Variants in MAP3K20 observed in about 807,000 individuals in gnomAD.
MAP3K20 encodes the protein mitogen-activated protein kinase kinase kinase 20.
In MAP3K20, 40 loss-of-function variants were observed where a neutral mutation model predicts 85.7. That is an observed-to-expected ratio of 0.47 (90% CI 0.36 to 0.61). The LOEUF (loss-of-function observed/expected upper bound fraction) is 0.61. Ranked by LOEUF, MAP3K20 falls within the 20% of genes least tolerant of loss-of-function variation. MAP3K20 has a pLI of 0.00. For missense variants in MAP3K20, 817 were observed against 961.7 expected, an observed-to-expected ratio of 0.85 and a Z score of 1.99; for synonymous variants, 325 against 327.7, an observed-to-expected ratio of 0.99 and a Z score of 0.09.
intron 2 of MAP3K20, among the ~76,000 whole-genome samples, chr2:173,138,479 G>A (rs1336922523): frequency 3.3e-5 from 5 of 152,102 alleles, no homozygotes; most frequent in Non-Finnish European, 7.4e-5. Flanking sequence ...CTTAACAGGT[G>A]GGTTTTCACA....
At chr2:173,204,968 T>C (rs1333228744) in intron 9 of MAP3K20, among the ~76,000 whole-genome samples, 3 of 151,752 alleles carry the variant, frequency 2.0e-5, no homozygotes, top group South Asian at 2.1e-4. Flanking sequence ...CCGGGCGTGG[T>C]GGCGGGCACC....
intron 5 of MAP3K20, 23 bp downstream of exon 5, chr2:173,187,646 T>A: frequency 6.3e-7 from 1 of 1,578,774 alleles, no homozygotes; most frequent in Non-Finnish European, 8.6e-7. Flanking sequence ...TGTTTTTATT[T>A]TACCTATTTT....
intron 2 of MAP3K20, among the ~76,000 whole-genome samples, chr2:173,147,650 G>T (rs1045563119): frequency 6.6e-6 from 1 of 151,930 alleles, no homozygotes; most frequent in Non-Finnish European, 1.5e-5. Flanking sequence ...GCAGTGGCAC[G>T]ATCTCGGCTC....
chr2:173,192,190 C>G (rs1690674384), intron 7 of MAP3K20, among the ~76,000 whole-genome samples: 1 of 152,174 alleles, frequency 6.6e-6, no homozygotes, highest in East Asian at 1.9e-4. Flanking sequence ...CCTGTCTCTT[C>G]GTCCTGAACT....
At chr2:173,242,500 T>G (rs1179889824) in intron 16 of MAP3K20, among the ~76,000 whole-genome samples, 1 of 151,782 alleles carries the variant, frequency 6.6e-6, no homozygotes, top group Non-Finnish European at 1.5e-5. Flanking sequence ...AAGAAATAAT[T>G]TATTAATAAT....
At chr2:173,190,705 C>T (rs1325241491) in intron 5 of MAP3K20, among the ~76,000 whole-genome samples, 190 bp from the exon 6 acceptor site, 1 of 152,104 alleles carries the variant, frequency 6.6e-6, no homozygotes, top group Non-Finnish European at 1.5e-5. Context: ...TTAATCAGTA[C>T]CTAATGGAAT....
At chr2:173,265,207 G>A (rs901932891) in intron 19 of MAP3K20, among the ~76,000 whole-genome samples, 1 of 152,224 alleles carries the variant, frequency 6.6e-6, no homozygotes, top group Non-Finnish European at 1.5e-5. Flanking sequence ...CACTATCTGC[G>A]TGAGCAGGGG....
chr2:173,263,455 T>C (rs1387784582), intron 18 of MAP3K20, among the ~76,000 whole-genome samples: 1 of 152,228 alleles, frequency 6.6e-6, no homozygotes, highest in Non-Finnish European at 1.5e-5. Context: ...AACCATATTT[T>C]TTAGCTACTA....
At chr2:173,203,378 CAG>C (rs777960382) in intron 8 of MAP3K20, among the ~76,000 whole-genome samples, 1 of 152,114 alleles carries the variant, frequency 6.6e-6, no homozygotes, top group Non-Finnish European at 1.5e-5. Flanking sequence ...CAGATGTTTT[CAG>C]AGTTGTATAC....
intron 2 of MAP3K20, among the ~76,000 whole-genome samples, chr2:173,127,190 G>A (rs985006899): frequency 6.6e-6 from 1 of 152,150 alleles, no homozygotes; most frequent in Non-Finnish European, 1.5e-5. Context: ...ATGAAAAGAT[G>A]GATGTGTAGA....
At chr2:173,264,114 G>C (rs1162904907) in intron 19 of MAP3K20, among the ~76,000 whole-genome samples, 1 of 152,336 alleles carries the variant, frequency 6.6e-6, no homozygotes, top group African/African-American at 2.4e-5. Context: ...GAACTTGCTA[G>C]AAATCCAGAT....
intron 11 of MAP3K20, chr2:173,221,528 T>C: frequency 6.5e-7 from 1 of 1,539,184 alleles, no homozygotes; most frequent in Non-Finnish European, 8.8e-7. Context: ...TAATAGTGAA[T>C]GAAAGCAGAA....
At chr2:173,141,314 T>C (rs1219967483) in intron 2 of MAP3K20, among the ~76,000 whole-genome samples, 1 of 152,170 alleles carries the variant, frequency 6.6e-6, no homozygotes, top group East Asian at 1.9e-4. Flanking sequence ...GCAGCTTTTA[T>C]AAACATGTTC....
chr2:173,086,250 C>A (rs1437712758), intron 1 of MAP3K20, among the ~76,000 whole-genome samples: 2 of 152,126 alleles, frequency 1.3e-5, no homozygotes, highest in Non-Finnish European at 2.9e-5. Flanking sequence ...AATCAAGTAG[C>A]AGTCTTCCCC....
rs1367714105 is a variant in MAP3K20 at position 173,209,768 on chromosome 2, T to A, written c.784T>A (p.Ser262Thr). The A allele has an allele frequency of 6.2e-7, 1 of 1,613,328 alleles. No homozygotes were observed. The highest frequency in any genetic ancestry group is 1.7e-5 in the Admixed American group (1 of 59,828). The change falls in exon 10 of 20, where the codon TCC (serine) becomes ACC (threonine). Residue 262 changes from serine (S) to threonine (T), a missense_variant. Transcript: ENST00000375213. ...CAAGCAAATCATTTCAATCCTGGAG[T>A]CCATGTCAAATGACACGAGCCTTCC... ...SFKQIISILE[S>T]MSNDTSLPDK...
intron 11 of MAP3K20, chr2:173,221,407 TAAGAG>T (rs1278631681): frequency 6.2e-7 from 1 of 1,614,024 alleles, no homozygotes; most frequent in Non-Finnish European, 8.5e-7. Context: ...AAACCACATC[TAAGAG>T]AAGGGGGAAG....
intron 10 of MAP3K20, among the ~76,000 whole-genome samples, chr2:173,213,802 A>G (rs1683985831): frequency 6.6e-6 from 1 of 152,374 alleles, no homozygotes; most frequent in South Asian, 2.1e-4. Flanking sequence ...GCTAAGAGAA[A>G]TATTACAGGG....
chr2:173,198,404 G>GC lies in MAP3K20; in HGVS notation c.669+294dup. On this transcript the variant is annotated intron_variant, in intron 8 of 19. Coordinates refer to ENST00000375213, the MANE Select transcript of MAP3K20 (RefSeq NM_016653.3). The surrounding 1 kb of genome is among the most constrained non-coding windows in gnomAD (Gnocchi z 5.8). Reference sequence around the variant, plus strand: ...GGGTTTGTTCTTAGTGATGAAAGAAGCCATTGCGTCCAAGGTAGGGGAACA... The same window carrying GC: ...GGGTTTGTTCTTAGTGATGAAAGAAGCCCATTGCGTCCAAGGTAGGGGAACA... 5.1e-6 allele frequency: 1 copy of GC among 196,982 alleles called. No individual in the cohort carries two copies. The highest frequency in any genetic ancestry group is 2.4e-5 in the African/African-American group (1 of 42,398). The allele number at this position is 196,982 out of a possible 1,614,324, so 12.2% of individuals were successfully genotyped here.
intron 19 of MAP3K20, among the ~76,000 whole-genome samples, chr2:173,264,652 G>A (rs77062162): frequency 0.034 from 5,185 of 152,262 alleles, 134 homozygotes; most frequent in Middle Eastern, 0.068. Flanking sequence ...CAACTCTCCC[G>A]ATCACGTGGC....
Sources: gnomAD v4.1 joint callset for allele counts (sites outside exome capture counted in the v4.1 genomes callset) on GRCh38, gnomAD v4.1.1 for gene constraint, Gnocchi (gnomAD v3.1) non-coding constraint, MANE v1.5 for transcripts, NCBI Gene and HGNC (gene_info 2026-07-23, HGNC 2026-07-21) for gene names.